The following ADA variants were observed in gnomAD, a reference collection of about 807,000 sequenced individuals.
The protein encoded by ADA is adenosine deaminase, also known as adenosine aminohydrolase.
ADA carries 45 observed loss-of-function variants against 49.0 expected under a neutral mutation model. The observed-to-expected ratio is 0.92, with a 90% CI of 0.72 to 1.18. The LOEUF is 1.18. Among genes scored for constraint, ADA ranks in the 50% most tolerant of loss-of-function variants. ADA has a pLI of 0.00. For missense variants in ADA, 445 were observed against 472.5 expected, an observed-to-expected ratio of 0.94 and a Z score of 0.54; for synonymous variants, 173 against 184.2, an observed-to-expected ratio of 0.94 and a Z score of 0.49.
At chr20:44,630,601 A>G (rs2065425213) in intron 2 of ADA, among the ~76,000 whole-genome samples, 1 of 152,234 alleles carries the variant, frequency 6.6e-6, no homozygotes, top group Non-Finnish European at 1.5e-5. Context: ...ACTGGAAGCT[A>G]AAAGTGAAGA....
In ADA at chr20:44,622,844, T is replaced by A. The variant is rs761098217; in HGVS notation, c.765A>T (p.Glu255Asp). The A allele has an allele frequency of 2.5e-6, 4 of 1,614,236 alleles. No individual in the cohort carries two copies. The change falls in exon 8 of 12, where the codon GAA becomes GAT. Residue 255 changes from glutamate (E) to aspartate (D), a missense_variant. Transcript: ENST00000372874. The part of the protein sequence containing the change: ...DQALYNRLRQ[E>D]NMHFEICPWS... ...GCCCGCTTACCTCGAAGTGCATGTT[T>A]TCCTGCCGCAGCCTGTTATAAAGGG...
chr20:44,651,656 GT>G lies in ADA; in HGVS notation c.-50del. The stretch of plus-strand genomic sequence containing the variant: ...TGCTCCCTCCGCCGCCGCTCGGTGG[GT>G]CTCTGCCGGCTCGGTGGCCGCTCGG... On this transcript the variant is annotated 5_prime_UTR_variant, in exon 1 of 12. Transcript: ENST00000372874. The G allele has an allele frequency of 6.8e-7, 1 of 1,480,810 alleles. No homozygotes were observed. The highest frequency in any genetic ancestry group is 8.9e-7 in the Non-Finnish European group (1 of 1,122,010). 91.7% of individuals were successfully genotyped at this position (1,480,810 alleles called of 1,614,324 possible).
rs115441695 is a variant in ADA at position 44,643,937 on chromosome 20, C to T, written c.33+7638G>A. ...AGATGCGTGCCAGAGAGGTCCAGGGCGGTGGGTTCACTTACCCAAGGTCAC... is the reference window on the plus strand; with the variant it reads ...AGATGCGTGCCAGAGAGGTCCAGGGTGGTGGGTTCACTTACCCAAGGTCAC... On this transcript the variant is annotated intron_variant, in intron 1 of 11. Transcript: ENST00000372874. 2.7e-3 allele frequency among the ~76,000 whole-genome samples: 409 copies of T among 151,998 alleles called. 1 individual carries two copies. The highest frequency in any genetic ancestry group is 9.3e-3 in the African/African-American group (387 of 41,506).
At position 44,640,528 on chromosome 20, in the gene ADA, C is replaced by T. The variant is rs576363770; in HGVS notation, c.34-4240G>A. Among the ~76,000 whole-genome samples the T allele has an allele frequency of 5.9e-5, 9 of 151,846 alleles. No homozygotes were observed. In the East Asian group the frequency reaches 1.7e-3, roughly 29 times the overall value. On this transcript the variant is annotated intron_variant, in intron 1 of 11. Transcript: ENST00000372874. ...ACTAAAAATACAAAAGTTAGCTGGG[C>T]ATGGTGGCAGGTACCTATAATCCCA... is the stretch of plus-strand genomic sequence containing the variant.
chr20:44,619,958 GAA>G (rs2065312230), intron 11 of ADA, 111 bp from the exon 12 acceptor site: 1 of 1,414,522 alleles, frequency 7.1e-7, no homozygotes, highest in South Asian at 1.2e-5. Flanking sequence ...ATGATGGCAA[GAA>G]GATGCCTTGC....
At chr20:44,648,045 A>G (rs936330522) in intron 1 of ADA, among the ~76,000 whole-genome samples, 1 of 152,106 alleles carries the variant, frequency 6.6e-6, no homozygotes, top group Non-Finnish European at 1.5e-5. Context: ...GATTCTGGCA[A>G]AAAAGAAAAA....
chr20:44,640,716 T>C (rs2065524699), intron 1 of ADA, among the ~76,000 whole-genome samples: 1 of 151,556 alleles, frequency 6.6e-6, no homozygotes, highest in Non-Finnish European at 1.5e-5. Context: ...TTATTAAATG[T>C]CTTGACAGGA....
chr20:44,632,702 G>T (rs1428884606), intron 2 of ADA, among the ~76,000 whole-genome samples: 1 of 152,048 alleles, frequency 6.6e-6, no homozygotes, highest in Non-Finnish European at 1.5e-5. Flanking sequence ...CTTTTGTTTT[G>T]TTTTTTTGAG....
Position 44,625,653 on chromosome 20 carries a change from G to T in ADA, c.394C>A (p.Leu132Ile). The part of the protein sequence containing the change: ...GDLTPDEVVA[L>I]VGQGLQEGER... The stretch of plus-strand genomic sequence containing the variant: ...CCCTCCTGCAGGCCCTGGCCCACTA[G>T]GGCCACCACCTCGTCTGGGGTGAGG... The change falls in exon 5 of 12, where the codon CTA (leucine) becomes ATA (isoleucine). Residue 132 changes from leucine to isoleucine, a missense_variant. Transcript: ENST00000372874. 1 of 1,573,514 alleles carries T rather than the reference G, an allele frequency of 6.4e-7. No homozygotes were observed. Among genetic ancestry groups the T allele is most frequent in the East Asian group, 2.3e-5 (1 of 42,986 alleles).
intron 2 of ADA, among the ~76,000 whole-genome samples, chr20:44,633,924 C>A (rs1439708691): frequency 1.3e-5 from 2 of 152,222 alleles, no homozygotes; most frequent in Non-Finnish European, 2.9e-5. Flanking sequence ...CCATTCTTAG[C>A]CCATATTTGT....
At chr20:44,620,092 T>G (rs1348855095) in intron 11 of ADA, among the ~76,000 whole-genome samples, 2 of 152,018 alleles carry the variant, frequency 1.3e-5, no homozygotes, top group Non-Finnish European at 2.9e-5. Flanking sequence ...TCAGAAAGTC[T>G]CCCCTTAGAA....
chr20:44,622,127 T>G (rs1362312611), intron 9 of ADA, among the ~76,000 whole-genome samples: 1 of 152,142 alleles, frequency 6.6e-6, no homozygotes, highest in Non-Finnish European at 1.5e-5. Context: ...CTGGTTAGAC[T>G]CCAGGATGGG....
intron 10 of ADA, 118 bp downstream of exon 10, chr20:44,620,900 C>G: frequency 1.4e-6 from 2 of 1,431,270 alleles, no homozygotes; most frequent in Admixed American, 3.4e-5. Flanking sequence ...TTGGGCTTGT[C>G]TTGGACTGTT....
At chr20:44,620,568 A>C (rs2065320194) in intron 10 of ADA, 167 bp from the exon 11 acceptor site, 1 of 694,942 alleles carries the variant, frequency 1.4e-6, no homozygotes, top group Non-Finnish European at 2.6e-6. Flanking sequence ...AGAGACCATG[A>C]GGTCGTGTTC....
chr20:44,650,256 T>A (rs1231408128), intron 1 of ADA, among the ~76,000 whole-genome samples: 1 of 152,084 alleles, frequency 6.6e-6, no homozygotes, highest in Non-Finnish European at 1.5e-5. Flanking sequence ...TAGCTGAGCA[T>A]TTTCCCTGGG....
At chr20:44,623,125 C>T (rs200229486) in intron 6 of ADA, 47 bp from the exon 7 acceptor site, 31 of 1,611,852 alleles carry the variant, frequency 1.9e-5, no homozygotes, top group African/African-American at 1.6e-4. Flanking sequence ...GGGAGGGCCC[C>T]GGCAGGCCCT....
At chr20:44,621,483 G>C (rs904050849) in intron 9 of ADA, among the ~76,000 whole-genome samples, 1 of 152,112 alleles carries the variant, frequency 6.6e-6, no homozygotes, top group African/African-American at 2.4e-5. Context: ...ACCCTCTCCA[G>C]CCTTCCCCTC....
intron 2 of ADA, among the ~76,000 whole-genome samples, chr20:44,631,677 C>A (rs755365192): frequency 6.6e-6 from 1 of 152,186 alleles, no homozygotes; most frequent in African/African-American, 2.4e-5. Flanking sequence ...GCCCTCTGGT[C>A]GTTCTCTCTC....
chr20:44,624,965 C>T (rs1350488136), intron 5 of ADA, among the ~76,000 whole-genome samples: 3 of 152,184 alleles, frequency 2.0e-5, no homozygotes, highest in Non-Finnish European at 4.4e-5. Flanking sequence ...CAGGCTGCTG[C>T]GAGGATTAGA....
Sources: gnomAD v4.1 joint callset for allele counts (sites outside exome capture counted in the v4.1 genomes callset) on GRCh38, gnomAD v4.1.1 for gene constraint, MANE v1.5 for transcripts, NCBI Gene and HGNC (gene_info 2026-07-23, HGNC 2026-07-21) for gene names.